The following RIMS1 variants were observed in gnomAD, a reference collection of about 807,000 sequenced individuals.
RIMS1 encodes regulating synaptic membrane exocytosis 1.
A neutral mutation model predicts 214.1 loss-of-function variants in RIMS1; 83 were observed. That is an observed-to-expected ratio of 0.39 (90% CI 0.32 to 0.47). The LOEUF (loss-of-function observed/expected upper bound fraction) is 0.47. RIMS1 is among the 20% of genes least tolerant of loss of function. The pLI is 0.99. For synonymous variants in RIMS1, 793 were observed against 786.8 expected (o/e 1.01, Z -0.13); for missense variants, 2,050 against 2,161.8 (o/e 0.95, Z 1.03).
chr6:72,067,406 A>C (rs1168988041), intron 2 of RIMS1, among the ~76,000 whole-genome samples: 1 of 152,144 alleles, frequency 6.6e-6, no homozygotes, highest in Non-Finnish European at 1.5e-5. Flanking sequence ...TCTACCTAGA[A>C]TATTCTCCCT....
chr6:71,992,496 T>TATC (rs1226475207), intron 2 of RIMS1, among the ~76,000 whole-genome samples: 1 of 149,898 alleles, frequency 6.7e-6, no homozygotes, highest in Non-Finnish European at 1.5e-5. Context: ...TTCCCTTCTT[T>TATC]TTCTTCTTCT....
At chr6:72,235,197 C>A (rs1278041235) in intron 7 of RIMS1, among the ~76,000 whole-genome samples, 3 of 151,940 alleles carry the variant, frequency 2.0e-5, no homozygotes, top group Non-Finnish European at 4.4e-5. Context: ...TTTATCATTT[C>A]TTTGTATTGG....
At chr6:72,131,899 C>T (rs2040508638) in intron 4 of RIMS1, among the ~76,000 whole-genome samples, 1 of 152,100 alleles carries the variant, frequency 6.6e-6, no homozygotes, top group Admixed American at 6.5e-5. Flanking sequence ...AGGGATGTTC[C>T]TTGCTGAGAA....
At chr6:72,016,778 G>A (rs1434338238) in intron 2 of RIMS1, among the ~76,000 whole-genome samples, 2 of 152,152 alleles carry the variant, frequency 1.3e-5, no homozygotes, top group Non-Finnish European at 2.9e-5. Context: ...GGAGACAGTT[G>A]TACATTTATG....
chr6:72,001,879 A>G (rs1338569158), intron 2 of RIMS1, among the ~76,000 whole-genome samples: 1 of 152,204 alleles, frequency 6.6e-6, no homozygotes, highest in African/African-American at 2.4e-5. Flanking sequence ...AGAACATTCC[A>G]CAAAATAGAT....
At chr6:72,007,386 G>T (rs561752664) in intron 2 of RIMS1, among the ~76,000 whole-genome samples, 10 of 152,200 alleles carry the variant, frequency 6.6e-5, no homozygotes, top group Non-Finnish European at 1.3e-4. Flanking sequence ...AAACAGAGCA[G>T]AAAAACTGAA....
chr6:72,191,933 A>G (rs1321671353), intron 6 of RIMS1, among the ~76,000 whole-genome samples: 1 of 151,994 alleles, frequency 6.6e-6, no homozygotes, highest in Non-Finnish European at 1.5e-5. Flanking sequence ...CTCTTCAGTC[A>G]CTCCAGGGAT....
intron 1 of RIMS1, among the ~76,000 whole-genome samples, chr6:71,967,304 C>T (rs1001444294): frequency 1.3e-5 from 2 of 151,976 alleles, no homozygotes; most frequent in Non-Finnish European, 2.9e-5. Flanking sequence ...AGGAGAATGA[C>T]GTGAACCTGG....
chr6:72,375,006 T>A (rs529562547), intron 29 of RIMS1, among the ~76,000 whole-genome samples: 1 of 152,308 alleles, frequency 6.6e-6, no homozygotes, highest in East Asian at 1.9e-4. Flanking sequence ...GCCTCTGAGC[T>A]GTCAGGAGGC....
At chr6:72,326,445 T>C (rs1258874751) in intron 28 of RIMS1, among the ~76,000 whole-genome samples, 3 of 151,862 alleles carry the variant, frequency 2.0e-5, no homozygotes, top group African/African-American at 7.2e-5. Context: ...AGTAACAGTC[T>C]ATGTTTGGGA....
At chr6:72,146,586 T>C (rs541323745) in intron 4 of RIMS1, among the ~76,000 whole-genome samples, 1 of 152,348 alleles carries the variant, frequency 6.6e-6, no homozygotes, top group Non-Finnish European at 1.5e-5. Context: ...ATTTACCAAA[T>C]TGAAAAACCA....
chr6:72,018,120 G>A (rs1298980037), intron 2 of RIMS1, among the ~76,000 whole-genome samples: 3 of 152,146 alleles, frequency 2.0e-5, no homozygotes, highest in African/African-American at 7.2e-5. Flanking sequence ...TAAGAGTGCA[G>A]GCTAGAAACA....
chr6:72,081,099 A>G (rs911074626), intron 2 of RIMS1, among the ~76,000 whole-genome samples: 1 of 152,194 alleles, frequency 6.6e-6, no homozygotes, highest in Non-Finnish European at 1.5e-5. Flanking sequence ...TGAACTCTAA[A>G]TATTTACCAA....
At chr6:72,212,693 G>T in intron 6 of RIMS1, 1 of 451,662 alleles carries the variant, frequency 2.2e-6, no homozygotes, top group Non-Finnish European at 2.9e-6. Context: ...AGAGTAATTT[G>T]GGCGATAAGT....
chr6:72,033,606 C>T (rs1288483526), intron 2 of RIMS1, among the ~76,000 whole-genome samples: 1 of 151,866 alleles, frequency 6.6e-6, no homozygotes, highest in Non-Finnish European at 1.5e-5. Context: ...CTCAGCCTCC[C>T]GAGTAGCTGG....
At chr6:72,312,572 A>T (rs2095563709) in intron 27 of RIMS1, among the ~76,000 whole-genome samples, 1 of 152,142 alleles carries the variant, frequency 6.6e-6, no homozygotes, top group Non-Finnish European at 1.5e-5. Flanking sequence ...TAGGAAATGA[A>T]TATCAGAGAC....
At chr6:72,222,714 A>G (rs143269708) in intron 6 of RIMS1, among the ~76,000 whole-genome samples, 32 of 152,308 alleles carry the variant, frequency 2.1e-4, no homozygotes, top group African/African-American at 7.2e-4. Flanking sequence ...ATTATAATTT[A>G]CCAACCTTTG....
chr6:72,296,794 C>T lies in RIMS1; in HGVS notation c.3850+4748C>T, dbSNP rs140145782. ...ATAGTAACAACAAATTAACTCAAAG[C>T]TAGTTCTGAAAGTAACATCATTCCT... is the stretch of plus-strand genomic sequence containing the variant. On this transcript the variant is annotated intron_variant, in intron 26 of 33. Transcript: ENST00000521978. 8.1e-3 allele frequency among the ~76,000 whole-genome samples: 1,234 copies of T among 151,968 alleles called. 59 individuals are homozygous for T. The highest frequency in any genetic ancestry group is 0.076 in the Admixed American group (1,150 of 15,206).
intron 6 of RIMS1, among the ~76,000 whole-genome samples, chr6:72,213,895 A>G (rs2054525664): frequency 6.6e-6 from 1 of 152,222 alleles, no homozygotes; most frequent in Non-Finnish European, 1.5e-5. Flanking sequence ...TGGAATCACA[A>G]CTAAGTATGA....
Sources: allele counts gnomAD v4.1 joint callset (sites outside exome capture counted in the v4.1 genomes callset), GRCh38; gene constraint gnomAD v4.1.1; transcripts MANE v1.5; gene names NCBI Gene and HGNC (gene_info 2026-07-23, HGNC 2026-07-21).